RTKN: variants seen among roughly 807,000 people sequenced by gnomAD.
The protein encoded by RTKN is rhotekin.
A neutral mutation model predicts 63.5 loss-of-function variants in RTKN; 49 were observed. That is an observed-to-expected ratio of 0.77 (90% CI 0.61 to 0.98). The LOEUF (loss-of-function observed/expected upper bound fraction) is 0.98. Among genes scored for constraint, RTKN ranks in the 50% least tolerant of loss-of-function variants. The pLI is 0.00. For missense variants in RTKN, 685 were observed against 740.8 expected (o/e 0.92, Z 0.87); for synonymous variants, 295 against 290.4 (o/e 1.02, Z -0.16).
chr2:74,429,187 G>A (rs1044997609), intron 6 of RTKN, among the ~76,000 whole-genome samples: 15 of 152,216 alleles, frequency 9.9e-5, no homozygotes, highest in Non-Finnish European at 1.3e-4. Context: ...TCAACTAGAT[G>A]AGGCAGCTTG....
chr2:74,430,199 C>T, intron 5 of RTKN, 53 bp downstream of exon 5: 1 of 1,569,620 alleles, frequency 6.4e-7, no homozygotes, highest in Non-Finnish European at 8.8e-7. Flanking sequence ...ACTCGCTCAT[C>T]CAGAACTGGA....
intron 1 of RTKN, among the ~76,000 whole-genome samples, chr2:74,437,596 C>T (rs925542214): frequency 1.1e-4 from 16 of 152,116 alleles, no homozygotes; most frequent in Admixed American, 7.9e-4. Context: ...AAACCTTCTG[C>T]GGTGATGGAA....
chr2:74,430,403 C>G, intron 4 of RTKN, 34 bp from the exon 5 acceptor site: 1 of 1,613,448 alleles, frequency 6.2e-7, no homozygotes, highest in Non-Finnish European at 8.5e-7. Context: ...AAACACGTCC[C>G]ACGAGAGCCT....
chr2:74,439,895 G>C (rs967059636), intron 1 of RTKN: 1 of 1,278,108 alleles, frequency 7.8e-7, no homozygotes, highest in South Asian at 1.9e-5. Flanking sequence ...GGATAAGTGG[G>C]GTCCCAGGAG....
chr2:74,426,239 T>C lies in RTKN; in HGVS notation c.*4A>G. 6.2e-7 allele frequency: 1 copy of C among 1,612,756 alleles called. No homozygotes were observed. The highest frequency in any genetic ancestry group is 8.5e-7 in the Non-Finnish European group (1 of 1,178,930). Reference sequence around the variant, plus strand: ...GGCAGATCCTATGCCAGCACCTTTCTCTCTCACACTGGTGACTGGAGCCAA... The same window carrying C: ...GGCAGATCCTATGCCAGCACCTTTCCCTCTCACACTGGTGACTGGAGCCAA... On this transcript the variant is annotated 3_prime_UTR_variant, in exon 12 of 12. Transcript: ENST00000272430.
chr2:74,440,664 A>C, intron 1 of RTKN: 39 of 692,700 alleles, frequency 5.6e-5, no homozygotes, highest in South Asian at 1.3e-4. Flanking sequence ...TTACTCCCCC[A>C]CGCTGGCCCC....
intron 1 of RTKN, chr2:74,439,706 TC>T: frequency 1.9e-6 from 3 of 1,579,126 alleles, no homozygotes; most frequent in Non-Finnish European, 2.6e-6. Flanking sequence ...CAGTTCCTCC[TC>T]CCACTGTTCC....
At chr2:74,440,237 G>A (rs1671286825) in intron 1 of RTKN, 1 of 558,582 alleles carries the variant, frequency 1.8e-6, no homozygotes, top group Non-Finnish European at 2.3e-6. Context: ...CCTCAGGGGA[G>A]AGTGAGCCCA....
intron 1 of RTKN, among the ~76,000 whole-genome samples, chr2:74,435,351 G>A (rs910561011): frequency 6.6e-6 from 1 of 152,202 alleles, no homozygotes; most frequent in African/African-American, 2.4e-5. Context: ...AATTCTGTGA[G>A]GCAGGAACTT....
Position 74,432,703 on chromosome 2 carries a change from C to T in RTKN, c.112-37G>A, listed in dbSNP as rs200446824. ...TGGGGGAAGGGTGAGAAGGAAATGT[C>T]AGTCAGTGGACAGGCTAAAGCACTC... On this transcript the variant is annotated intron_variant, in intron 1 of 11. Transcript: ENST00000272430. The T allele has an allele frequency of 2.7e-5, 43 of 1,599,006 alleles. No homozygotes were observed. In the East Asian group the frequency reaches 7.4e-4, roughly 27 times the overall value.
rs1481740777 is a variant in RTKN at position 74,436,821 on chromosome 2, A to G, written c.112-4155T>C. Among the ~76,000 whole-genome samples, 2 of 152,130 alleles carry G rather than the reference A, an allele frequency of 1.3e-5. No individual in the cohort carries two copies. Among genetic ancestry groups the G allele is most frequent in the African/African-American group, 4.8e-5 (2 of 41,424 alleles). ...GAGGAACTGGGAATCCTGGCTCAGG[A>G]TCTGGACCCTTGTGCTTCTAGCGTT... On this transcript the variant is annotated intron_variant, in intron 1 of 11. Transcript: ENST00000272430. This position sits in a 1 kb window ranked among gnomAD's most constrained non-coding sequence, Gnocchi z 4.3.
chr2:74,430,172 C>T, intron 5 of RTKN, 80 bp downstream of exon 5: 1 of 1,533,410 alleles, frequency 6.5e-7, no homozygotes, highest in East Asian at 2.3e-5. Flanking sequence ...GCCCCCATCC[C>T]AGCTTCCTCC....
Position 74,430,456 on chromosome 2 carries a change from G to A in RTKN, c.427+9C>T. The A allele has an allele frequency of 6.2e-7, 1 of 1,613,896 alleles. No homozygotes were observed. Among genetic ancestry groups the A allele is most frequent in the Middle Eastern group, 1.6e-4 (1 of 6,062 alleles). On this transcript the variant is annotated intron_variant, in intron 4 of 11. Coordinates refer to ENST00000272430, the MANE Select transcript of RTKN (RefSeq NM_001015055.2). ...CCCCTGAATTTGTCCCAGGGTGTGT[G>A]GAACTCACCACCTTTGTTCTTGAAA...
intron 11 of RTKN, chr2:74,426,931 A>C: frequency 1.0e-6 from 1 of 985,296 alleles, no homozygotes; most frequent in South Asian, 4.7e-5. Flanking sequence ...AGAAATTAGG[A>C]AAGAAATTAA....
chr2:74,425,913 G>C lies in RTKN; in HGVS notation c.*330C>G, dbSNP rs1670360788. On this transcript the variant is annotated 3_prime_UTR_variant, in exon 12 of 12. Transcript: ENST00000272430. ...TTAAATAACTTTAATGGTTGATGTG[G>C]GAGTCACAAGGGAGGTATGTTTGCT... 1.3e-6 allele frequency: 1 copy of C among 774,096 alleles called. No homozygotes were observed. Among genetic ancestry groups the C allele is most frequent in the Non-Finnish European group, 2.0e-6 (1 of 494,508 alleles). 48.0% of individuals were successfully genotyped at this position (774,096 alleles called of 1,614,324 possible).
chr2:74,428,064 TGAG>T (rs1334250457), intron 9 of RTKN: 1 of 631,210 alleles, frequency 1.6e-6, no homozygotes, highest in African/African-American at 1.8e-5. Context: ...TGGCAGGGAC[TGAG>T]GATGGCAAGT....
rs200872627 is a variant in RTKN at position 74,429,900 on chromosome 2, C to T, written c.683G>A (p.Arg228His). The T allele has an allele frequency of 4.3e-5, 70 of 1,614,106 alleles. No homozygotes were observed. Among genetic ancestry groups the T allele is most frequent in the South Asian group, 7.7e-5 (7 of 91,092 alleles). The part of the protein sequence containing the change: ...SSSLGRSSGR[R>H]VRASLDSAGG... ...AGCACTGTCCAGCGATGCCCGGACA[C>T]GCCTCCCTGAGGAGCGGCCCAGGGA... The change falls in exon 6 of 12, where the codon CGT becomes CAT. Residue 228 changes from arginine to histidine, a missense_variant. By Grantham distance (29) the Arg-to-His change is conservative (BLOSUM62 0). Transcript: ENST00000272430.
At chr2:74,438,947 C>G (rs138835852) in intron 1 of RTKN, among the ~76,000 whole-genome samples, 1 of 152,128 alleles carries the variant, frequency 6.6e-6, no homozygotes, top group Non-Finnish European at 1.5e-5. Flanking sequence ...ATCCTATGGT[C>G]GAAAAGAGCT....
In RTKN at chr2:74,431,377, ACT is replaced by A. The variant is rs1229781151; in HGVS notation, c.312-702_312-701del. Among the ~76,000 whole-genome samples the A allele has an allele frequency of 7.0e-4, 106 of 152,128 alleles. 1 individual carries two copies. Among genetic ancestry groups the A allele is most frequent in the African/African-American group, 2.5e-3 (103 of 41,502 alleles). ...CCTTCCCTCCCTGCCCATCATCAGG[ACT>A]CACCATGTGTCCCTTTCCTGAAGCG... On this transcript the variant is annotated intron_variant, in intron 2 of 11. Transcript: ENST00000272430.
Sources: gnomAD v4.1 joint callset for allele counts (sites outside exome capture counted in the v4.1 genomes callset) on GRCh38, gnomAD v4.1.1 for gene constraint, Gnocchi (gnomAD v3.1) non-coding constraint, MANE v1.5 for transcripts, NCBI Gene and HGNC (gene_info 2026-07-23, HGNC 2026-07-21) for gene names.